Variants in TBC1D7 observed in about 807,000 individuals in gnomAD.
The protein encoded by TBC1D7 is TBC domain family 7.
Under a neutral mutation model 35.3 loss-of-function variants are expected in TBC1D7, and 33 were observed. The ratio of observed to expected loss-of-function variants is 0.93; its 90% confidence interval spans 0.71 to 1.25. The LOEUF is 1.25. Among genes scored for constraint, TBC1D7 ranks in the 50% most tolerant of loss-of-function variants. TBC1D7 has a pLI of 0.00. For synonymous variants in TBC1D7, 135 were observed against 129.5 expected, an observed-to-expected ratio of 1.04 and a Z score of -0.29; for missense variants, 362 against 365.3, an observed-to-expected ratio of 0.99 and a Z score of 0.07.
intron 3 of TBC1D7, among the ~76,000 whole-genome samples, chr6:13,324,839 A>AAAGCCT (rs781695412): frequency 2.0e-5 from 3 of 152,366 alleles, no homozygotes; most frequent in Non-Finnish European, 4.4e-5. Context: ...AGCTGATAGC[A>AAAGCCT]AAGCCTAAAC....
chr6:13,308,945 G>A (rs1782999652), intron 5 of TBC1D7, among the ~76,000 whole-genome samples: 1 of 152,246 alleles, frequency 6.6e-6, no homozygotes, highest in Non-Finnish European at 1.5e-5. Context: ...GTAGGAGGCA[G>A]AAGCAGTTTC....
chr6:13,307,130 A>T (rs954563399), intron 6 of TBC1D7: 6 of 165,714 alleles, frequency 3.6e-5, no homozygotes, highest in Admixed American at 2.9e-4. Flanking sequence ...GTTCAGTGCC[A>T]TAACTTATTT....
rs548820127 is a variant in TBC1D7, at chr6:13,311,855, T to C, written c.520-4110A>G. The stretch of plus-strand genomic sequence containing the variant: ...GCTATCAAAATACGCTAGAAAGTTG[T>C]ATTAAATAAATCATGTGATTTGGCC... On this transcript the variant is annotated intron_variant, in intron 5 of 7. Coordinates refer to ENST00000379300, the MANE Select transcript of TBC1D7 (RefSeq NM_016495.6). Among the ~76,000 whole-genome samples, 10 of 152,122 alleles carry C rather than the reference T, an allele frequency of 6.6e-5. No homozygotes were observed. In the South Asian group the frequency reaches 2.1e-3, roughly 32 times the overall value.
intron 3 of TBC1D7, among the ~76,000 whole-genome samples, chr6:13,324,151 G>A (rs552632972): frequency 3.3e-5 from 5 of 150,622 alleles, no homozygotes; most frequent in South Asian, 2.1e-4. Flanking sequence ...TTTTGGAGAC[G>A]GAGTCTCGCT....
Position 13,325,163 on chromosome 6 carries a change from G to C in TBC1D7, c.124C>G (p.Leu42Val). 1.9e-6 allele frequency: 3 copies of C among 1,612,944 alleles called. No homozygotes were observed. Among genetic ancestry groups the C allele is most frequent in the Non-Finnish European group, 2.5e-6 (3 of 1,179,118 alleles). ...GGGAACCTCTGACTAAAAGTACAAA[G>C]TTTCTCAGTATCTAGAGGAAGAAGA... Reference protein sequence around the residue: ...LKDDRLDTEKLCTFSQRFPLP... With the variant: ...LKDDRLDTEKVCTFSQRFPLP... The change falls in exon 3 of 8, where the codon CTT becomes GTT. Residue 42 changes from leucine to valine, a missense_variant. Leu to Val is a conservative substitution (Grantham distance 32). Transcript: ENST00000379300.
chr6:13,307,598 G>T lies in TBC1D7; in HGVS notation c.665+2C>A. 1 of 1,614,012 alleles carries T rather than the reference G, an allele frequency of 6.2e-7. No homozygotes were observed. On this transcript the variant is annotated splice_donor_variant, in intron 6 of 7. Transcript: ENST00000379300. LOFTEE classifies it high-confidence loss of function. ...CAATATGTCTTCGAAAGACCTACTT[G>T]CCTCTGTAAACTGGATTCAGGCAAA...
Position 13,321,054 on chromosome 6 carries a change from T to A in TBC1D7, c.235A>T (p.Met79Leu). Residue 79 changes from methionine to leucine, a missense_variant, in exon 4 of 8, where the codon ATG becomes TTG. Physicochemically the swap from Met to Leu is conservative, Grantham distance 15. Coordinates refer to ENST00000379300, the MANE Select transcript of TBC1D7 (RefSeq NM_016495.6). ...TCCAAGTACTGCTCCTTACGATACATCATCACCTTGGCATGGGACTCGTGG... is the reference window on the plus strand; with the variant it reads ...TCCAAGTACTGCTCCTTACGATACAACATCACCTTGGCATGGGACTCGTGG... ...PHHESHAKVM[M>L]YRKEQYLDVL... 2 of 1,614,038 alleles carry A rather than the reference T, an allele frequency of 1.2e-6. No individual in the cohort carries two copies. The highest frequency in any genetic ancestry group is 1.7e-6 in the Non-Finnish European group (2 of 1,179,962).
intron 3 of TBC1D7, among the ~76,000 whole-genome samples, chr6:13,324,144 T>TTGG (rs1339729445): frequency 4.0e-5 from 6 of 148,990 alleles, no homozygotes; most frequent in African/African-American, 1.5e-4. Context: ...TTTTTTTTTT[T>TTGG]GGAGACGGAG....
chr6:13,307,789 T>C (rs569371234), intron 5 of TBC1D7, 44 bp from the exon 6 acceptor site: 15 of 1,580,196 alleles, frequency 9.5e-6, no homozygotes, highest in African/African-American at 9.5e-5. Context: ...TTCTGTGTCA[T>C]AACATCATCT....
chr6:13,307,792 C>A, intron 5 of TBC1D7, 47 bp from the exon 6 acceptor site: 2 of 1,567,992 alleles, frequency 1.3e-6, no homozygotes, highest in Non-Finnish European at 1.7e-6. Context: ...TGTGTCATAA[C>A]ATCATCTGAT....
At chr6:13,311,967 A>T (rs1004929221) in intron 5 of TBC1D7, among the ~76,000 whole-genome samples, 8 of 151,222 alleles carry the variant, frequency 5.3e-5, no homozygotes, top group African/African-American at 1.9e-4. Flanking sequence ...AAATGTATTT[A>T]TATATATATA....
At chr6:13,324,729 C>G (rs942094073) in intron 3 of TBC1D7, among the ~76,000 whole-genome samples, 30 of 152,168 alleles carry the variant, frequency 2.0e-4, no homozygotes, top group African/African-American at 7.0e-4. Context: ...CAAAATCTTA[C>G]AAATTTAGAG....
intron 5 of TBC1D7, among the ~76,000 whole-genome samples, chr6:13,309,237 T>C (rs1047125581): frequency 1.3e-5 from 2 of 152,200 alleles, no homozygotes; most frequent in Non-Finnish European, 2.9e-5. Context: ...CAGAGTTATA[T>C]ATTATGTCTC....
intron 3 of TBC1D7, among the ~76,000 whole-genome samples, chr6:13,324,852 A>G (rs1784296866): frequency 6.6e-6 from 1 of 152,356 alleles, no homozygotes; most frequent in African/African-American, 2.4e-5. Flanking sequence ...GCCTAAACCA[A>G]TTCTCATTTC....
In TBC1D7 at chr6:13,306,379, C is replaced by A; in HGVS notation, c.795+19G>T. ...GTAACTTCATTTCCAGATTCAAAAT[C>A]AAATCAAAGCACACTTACATTTTCC... is the stretch of plus-strand genomic sequence containing the variant. On this transcript the variant is annotated intron_variant, in intron 7 of 7. Coordinates refer to ENST00000379300, the MANE Select transcript of TBC1D7 (RefSeq NM_016495.6). 1.3e-6 allele frequency: 2 copies of A among 1,574,148 alleles called. No individual in the cohort carries two copies. The highest frequency in any genetic ancestry group is 2.4e-5 in the South Asian group (2 of 82,176).
chr6:13,326,950 G>A, intron 1 of TBC1D7, 44 bp from the exon 2 acceptor site: 2 of 1,114,794 alleles, frequency 1.8e-6, no homozygotes, highest in Non-Finnish European at 2.6e-6. Context: ...GAAAGACGAA[G>A]GGGAAAAGTG....
At chr6:13,311,391 G>A (rs1783200084) in intron 5 of TBC1D7, among the ~76,000 whole-genome samples, 1 of 152,180 alleles carries the variant, frequency 6.6e-6, no homozygotes, top group African/African-American at 2.4e-5. Context: ...TAGTATGGCA[G>A]AATAGACATA....
At position 13,325,078 on chromosome 6, in the gene TBC1D7, C is replaced by A. The variant is rs778594442; in HGVS notation, c.193+16G>T. 1 of 1,576,998 alleles carries A rather than the reference C, an allele frequency of 6.3e-7. No individual in the cohort carries two copies. The highest frequency in any genetic ancestry group is 2.2e-5 in the East Asian group (1 of 44,484). ...ATATTTTTTAAGATAAATCTTCCAA[C>A]TCCTGGGTCTCATACCTAGAAGCAC... On this transcript the variant is annotated intron_variant, in intron 3 of 7. Transcript: ENST00000379300.
chr6:13,310,499 GTGGTGGCA>G, intron 5 of TBC1D7, among the ~76,000 whole-genome samples: 1 of 152,090 alleles, frequency 6.6e-6, no homozygotes, highest in Non-Finnish European at 1.5e-5. Flanking sequence ...TTAGCTGGGC[GTGGTGGCA>G]TGTGCCGGTG....
Sources: allele counts gnomAD v4.1 joint callset (sites outside exome capture counted in the v4.1 genomes callset), GRCh38; gene constraint gnomAD v4.1.1; transcripts MANE v1.5; gene names NCBI Gene and HGNC (gene_info 2026-07-23, HGNC 2026-07-21).